FAM76B: variants seen among roughly 807,000 people sequenced by gnomAD.
The protein encoded by FAM76B is protein FAM76B.
In FAM76B, 16 loss-of-function variants were observed where a neutral mutation model predicts 51.8. The ratio of observed to expected loss-of-function variants is 0.31; its 90% confidence interval spans 0.21 to 0.47. The LOEUF (loss-of-function observed/expected upper bound fraction) is 0.47. FAM76B is among the 20% of genes least tolerant of loss of function. The probability of loss-of-function intolerance (pLI) is 1.00; values close to 1 mark genes in which losing one functional copy is unlikely to be tolerated. For missense variants in FAM76B, 342 were observed against 392.6 expected (o/e 0.87, Z 1.09); for synonymous variants, 166 against 129.5 (o/e 1.28, Z -1.91).
chr11:95,778,709 A>G (rs1860118393), intron 8 of FAM76B, 113 bp downstream of exon 8: 3 of 1,308,722 alleles, frequency 2.3e-6, no homozygotes, highest in African/African-American at 1.5e-5. Context: ...TCTTATAAAA[A>G]TCACGCACAA....
In FAM76B at chr11:95,770,791, TATAC is replaced by T. The variant is rs1272281573; in HGVS notation, c.*766_*769del. The stretch of plus-strand genomic sequence containing the variant: ...ATAGGCTTCTGTACATATGCATTTA[TATAC>T]AAACATTTATTAAACATGATTTTAA... On this transcript the variant is annotated 3_prime_UTR_variant, in exon 10 of 10. Coordinates refer to ENST00000358780, the MANE Select transcript of FAM76B (RefSeq NM_144664.5). The T allele has an allele frequency of 6.6e-6, 1 of 151,770 alleles. No individual in the cohort carries two copies. The highest frequency in any genetic ancestry group is 1.5e-5 in the Non-Finnish European group (1 of 67,440). The allele number at this position is 151,770 out of a possible 1,614,324, so 9.4% of individuals were successfully genotyped here. A position where few individuals can be genotyped will look rare whatever the true frequency, so the allele number is the denominator to read the frequency against.
intron 2 of FAM76B, 67 bp from the exon 3 acceptor site, chr11:95,787,745 A>G: frequency 7.6e-7 from 1 of 1,307,974 alleles, no homozygotes; most frequent in Non-Finnish European, 1.1e-6. Flanking sequence ...CAATGTCAAA[A>G]TAAAATGAGT....
At chr11:95,773,479 A>G (rs1859861463) in intron 9 of FAM76B, among the ~76,000 whole-genome samples, 1 of 149,142 alleles carries the variant, frequency 6.7e-6, no homozygotes, top group African/African-American at 2.5e-5. Flanking sequence ...AAAAAAATCA[A>G]TGAAATTCTT....
intron 4 of FAM76B, among the ~76,000 whole-genome samples, chr11:95,785,578 C>T (rs1860526200): frequency 6.6e-6 from 1 of 152,138 alleles, no homozygotes; most frequent in Non-Finnish European, 1.5e-5. Context: ...GGAAGCCCCT[C>T]AAAGAGGTAG....
intron 1 of FAM76B, 163 bp from the exon 2 acceptor site, chr11:95,788,726 A>G: frequency 6.3e-6 from 8 of 1,268,888 alleles, no homozygotes; most frequent in Non-Finnish European, 7.5e-6. Context: ...GCCAATCACA[A>G]TATAATTCCT....
At chr11:95,775,116 T>C (rs560897480) in intron 9 of FAM76B, among the ~76,000 whole-genome samples, 10 of 151,276 alleles carry the variant, frequency 6.6e-5, no homozygotes, top group African/African-American at 2.4e-4. Context: ...TTAAAACTTC[T>C]TTCACCTTAA....
chr11:95,779,922 T>C lies in FAM76B; in HGVS notation c.568A>G (p.Ser190Gly), dbSNP rs755316942. ...TGCTCTTCTTCTGGACTTAGATTGC[T>C]GATTCTGAAAAATACACAAATGACA... ...HRHSSSHHKI[S>G]NLSPEEEQGL... Residue 190 changes from serine (S) to glycine (G), a missense_variant, in exon 6 of 10, where the codon AGC becomes GGC. Physicochemically the swap from Ser to Gly is moderately conservative, Grantham distance 56. Transcript: ENST00000358780. The C allele has an allele frequency of 8.1e-6, 13 of 1,604,278 alleles. No homozygotes were observed. The highest frequency in any genetic ancestry group is 1.0e-5 in the Non-Finnish European group (12 of 1,175,950).
intron 8 of FAM76B, 38 bp downstream of exon 8, chr11:95,778,784 C>A: frequency 6.4e-7 from 1 of 1,560,382 alleles, no homozygotes; most frequent in Non-Finnish European, 8.6e-7. Flanking sequence ...ACAGTCAACA[C>A]ATAACTCTTA....
Position 95,783,238 on chromosome 11 carries a change from G to C in FAM76B, c.390C>G (p.Leu130=), listed in dbSNP as rs1469101356. The C allele has an allele frequency of 3.1e-6, 5 of 1,612,950 alleles. No homozygotes were observed. The highest frequency in any genetic ancestry group is 4.2e-6 in the Non-Finnish European group (5 of 1,179,842). ...RKVDGKLLCW[L]CTLSYKRVLQ... is the part of the protein sequence containing the mutation. ...AAACTCTTTTGTACGATAAAGTACA[G>C]AGCCAGCATAATAACTTTCCATCAA... is the stretch of plus-strand genomic sequence containing the variant. The change falls in exon 5 of 10, where the codon CTC becomes CTG. Residue 130 remains leucine (L), a synonymous_variant. Transcript: ENST00000358780.
intron 7 of FAM76B, 134 bp from the exon 8 acceptor site, chr11:95,779,091 A>C: frequency 6.3e-7 from 1 of 1,588,312 alleles, no homozygotes; most frequent in Non-Finnish European, 8.5e-7. Context: ...ACAGAAATGG[A>C]TGCAACTGGC....
chr11:95,777,079 T>G (rs1300250629), intron 8 of FAM76B, among the ~76,000 whole-genome samples: 1 of 151,336 alleles, frequency 6.6e-6, no homozygotes. Flanking sequence ...ACACTGTGAG[T>G]TGCCTCCTCA....
At chr11:95,774,249 C>T (rs868337803) in intron 9 of FAM76B, among the ~76,000 whole-genome samples, 3 of 151,370 alleles carry the variant, frequency 2.0e-5, no homozygotes, top group Non-Finnish European at 3.0e-5. Context: ...ACAGTTTCCT[C>T]TGTAAAATGG....
At chr11:95,778,555 C>T (rs1860113716) in intron 8 of FAM76B, among the ~76,000 whole-genome samples, 1 of 151,442 alleles carries the variant, frequency 6.6e-6, no homozygotes, top group African/African-American at 2.4e-5. Context: ...GGTATTAGAT[C>T]TATTTTTAAA....
chr11:95,789,191 G>C (rs939938583), intron 1 of FAM76B: 2 of 986,100 alleles, frequency 2.0e-6, no homozygotes, highest in Non-Finnish European at 2.9e-6. Context: ...AAAAGGGCAC[G>C]ATTCTGCCTC....
Position 95,770,897 on chromosome 11 carries a change from A to C in FAM76B, c.*664T>G, listed in dbSNP as rs946329295. Reference sequence around the variant, plus strand: ...TGGCAAAAAGGCACTTGTAAGTAAAAATCTACAGTAGTTTTTACAAAACAG... The same window carrying C: ...TGGCAAAAAGGCACTTGTAAGTAAACATCTACAGTAGTTTTTACAAAACAG... On this transcript the variant is annotated 3_prime_UTR_variant, in exon 10 of 10. Coordinates refer to ENST00000358780, the MANE Select transcript of FAM76B (RefSeq NM_144664.5). 2 of 151,792 alleles carry C rather than the reference A, an allele frequency of 1.3e-5. No homozygotes were observed. The highest frequency in any genetic ancestry group is 1.3e-4 in the Admixed American group (2 of 15,156). The allele number at this position is 151,792 out of a possible 1,614,324, so 9.4% of individuals were successfully genotyped here.
intron 1 of FAM76B, 127 bp downstream of exon 1, chr11:95,789,265 G>C (rs572533155): frequency 2.8e-6 from 3 of 1,090,354 alleles, no homozygotes; most frequent in African/African-American, 3.2e-5. Context: ...CGAGTGGGGA[G>C]GCGAGGGCTC....
intron 9 of FAM76B, among the ~76,000 whole-genome samples, chr11:95,773,048 C>A (rs1859839435): frequency 6.6e-6 from 1 of 151,048 alleles, no homozygotes; most frequent in African/African-American, 2.4e-5. Flanking sequence ...AAGATCTCCA[C>A]TAGATCTGTT....
Position 95,789,491 on chromosome 11 carries a change from T to TCTC in FAM76B, c.-16_-14dup, listed in dbSNP as rs199525330. ...CCGAGGCCGCCATCCTGCTCCTCAG[T>TCTC]CTCCTCCTCCGCCGCCGCCCGCTCC... On this transcript the variant is annotated 5_prime_UTR_variant, in exon 1 of 10. Coordinates refer to ENST00000358780, the MANE Select transcript of FAM76B (RefSeq NM_144664.5). The TCTC allele has an allele frequency of 2.1e-5, 33 of 1,591,978 alleles. No homozygotes were observed. The highest frequency in any genetic ancestry group is 2.6e-5 in the Non-Finnish European group (31 of 1,169,994).
At chr11:95,772,318 G>C (rs1006857550) in intron 9 of FAM76B, among the ~76,000 whole-genome samples, 3 of 150,990 alleles carry the variant, frequency 2.0e-5, no homozygotes, top group African/African-American at 7.3e-5. Flanking sequence ...ATGAAAGCTT[G>C]AATTTTTACA....
Sources: gnomAD v4.1 joint callset for allele counts (sites outside exome capture counted in the v4.1 genomes callset) on GRCh38, gnomAD v4.1.1 for gene constraint, MANE v1.5 for transcripts, NCBI Gene and HGNC (gene_info 2026-07-23, HGNC 2026-07-21) for gene names.